GLT1D1: variants seen among roughly 807,000 people sequenced by gnomAD.
GLT1D1 encodes the protein glycosyltransferase 1 domain-containing protein 1.
In GLT1D1, 21 loss-of-function variants were observed where a neutral mutation model predicts 28.7. The observed-to-expected ratio is 0.73, with a 90% CI of 0.52 to 1.05. GLT1D1 has a LOEUF of 1.05. Among genes scored for constraint, GLT1D1 ranks in the 50% least tolerant of loss-of-function variants. The pLI is 0.00. For synonymous variants in GLT1D1, 147 were observed against 124.8 expected, an observed-to-expected ratio of 1.18 and a Z score of -1.19; for missense variants, 343 against 330.6, an observed-to-expected ratio of 1.04 and a Z score of -0.29.
chr12:128,923,423 G>C (rs1872846027), intron 4 of GLT1D1, among the ~76,000 whole-genome samples: 1 of 152,136 alleles, frequency 6.6e-6, no homozygotes, highest in South Asian at 2.1e-4. Flanking sequence ...GTTCTGTGGT[G>C]GGGGGTTTGG....
chr12:128,944,760 C>G, intron 4 of GLT1D1: 2 of 507,974 alleles, frequency 3.9e-6, no homozygotes, highest in South Asian at 4.5e-5. Context: ...ATGAGTTTCC[C>G]TTGGTCAATG....
At chr12:128,962,052 C>T (rs1029132862) in intron 7 of GLT1D1, among the ~76,000 whole-genome samples, 144 of 147,560 alleles carry the variant, frequency 9.8e-4, no homozygotes, top group South Asian at 8.8e-4. Context: ...CACTTGTGTC[C>T]TATGGCGGCC....
intron 4 of GLT1D1, among the ~76,000 whole-genome samples, chr12:128,929,319 C>G (rs1364614519): frequency 6.6e-6 from 1 of 152,340 alleles, no homozygotes; most frequent in East Asian, 1.9e-4. Flanking sequence ...TGTGGCTGCA[C>G]TGGTCATCTC....
At chr12:128,952,903 C>T (rs971353703) in intron 6 of GLT1D1, among the ~76,000 whole-genome samples, 7 of 150,814 alleles carry the variant, frequency 4.6e-5, no homozygotes, top group African/African-American at 1.2e-4. Flanking sequence ...CTTAGCCTCC[C>T]GAGTAGCTGG....
intron 6 of GLT1D1, among the ~76,000 whole-genome samples, chr12:128,953,282 TTG>T (rs1265455552): frequency 6.6e-6 from 1 of 152,216 alleles, no homozygotes; most frequent in African/African-American, 2.4e-5. Flanking sequence ...ATTCTGTAGA[TTG>T]TCTTTTCACT....
At position 128,899,350 on chromosome 12, in the gene GLT1D1, G is replaced by A. The variant is rs575407792; in HGVS notation, c.375+63G>A. On this transcript the variant is annotated intron_variant, in intron 4 of 7. Coordinates refer to ENST00000281703, the MANE Select transcript of GLT1D1 (RefSeq NM_144669.3). Reference sequence around the variant, plus strand: ...GATGAAATTGCAGAATTCGAGAACCGAAAGGCAGCCTTACTGAGCTGACAG... The same window carrying A: ...GATGAAATTGCAGAATTCGAGAACCAAAAGGCAGCCTTACTGAGCTGACAG... 2.6e-4 allele frequency: 359 copies of A among 1,374,552 alleles called. 3 individuals carry two copies. In the Middle Eastern group the frequency reaches 2.8e-3, roughly 11 times the overall value. 85.1% of individuals were successfully genotyped at this position (1,374,552 alleles called of 1,614,324 possible).
intron 7 of GLT1D1, among the ~76,000 whole-genome samples, chr12:128,965,729 A>AG (rs1393811982): frequency 1.1e-4 from 16 of 143,632 alleles, no homozygotes; most frequent in Non-Finnish European, 1.5e-4. Context: ...AAAAAAAAAA[A>AG]AAAAAAGAAA....
chr12:128,864,173 A>G, intron 1 of GLT1D1: 1 of 685,164 alleles, frequency 1.5e-6, no homozygotes, highest in Non-Finnish European at 2.7e-6. Context: ...CTGTCAGACG[A>G]CACACTGTAA....
At chr12:128,912,085 G>T (rs1871598170) in intron 4 of GLT1D1, among the ~76,000 whole-genome samples, 2 of 152,148 alleles carry the variant, frequency 1.3e-5, no homozygotes, top group South Asian at 4.1e-4. Flanking sequence ...CATCAGCTGG[G>T]CCGGCACTGG....
chr12:128,888,875 A>T, intron 3 of GLT1D1, 131 bp downstream of exon 3: 1 of 603,746 alleles, frequency 1.7e-6, no homozygotes, highest in South Asian at 2.1e-5. Context: ...ATTTCATGTA[A>T]CCTTTTCTTT....
intron 4 of GLT1D1, among the ~76,000 whole-genome samples, chr12:128,902,900 C>T (rs1050301317): frequency 1.4e-4 from 21 of 150,992 alleles, no homozygotes; most frequent in Non-Finnish European, 2.4e-4. Context: ...AAAAATTAGC[C>T]GGGCATGGTG....
intron 1 of GLT1D1, among the ~76,000 whole-genome samples, chr12:128,865,117 T>C (rs937028024): frequency 7.9e-5 from 12 of 152,162 alleles, no homozygotes; most frequent in African/African-American, 2.9e-4. Context: ...CTGCTTCACA[T>C]CCAACACACG....
chr12:128,855,679 T>C (rs1219780619), intron 1 of GLT1D1, among the ~76,000 whole-genome samples: 1 of 150,712 alleles, frequency 6.6e-6, no homozygotes, highest in Non-Finnish European at 1.5e-5. Context: ...GCAAGTTTAT[T>C]AAGAAAGTAA....
intron 5 of GLT1D1, among the ~76,000 whole-genome samples, chr12:128,945,978 C>G (rs1028212319): frequency 2.0e-5 from 3 of 152,148 alleles, no homozygotes; most frequent in Non-Finnish European, 4.4e-5. Context: ...TTGGGTCAGC[C>G]CCCTGTAAAG....
chr12:128,890,450 T>A (rs914983492), intron 3 of GLT1D1, among the ~76,000 whole-genome samples: 8 of 152,302 alleles, frequency 5.3e-5, no homozygotes, highest in African/African-American at 1.9e-4. Context: ...ATCACTCCCA[T>A]TTCTTTGTCT....
chr12:128,980,507 C>T (rs187639548), intron 7 of GLT1D1, among the ~76,000 whole-genome samples: 4 of 152,338 alleles, frequency 2.6e-5, no homozygotes, highest in East Asian at 3.9e-4. Flanking sequence ...GAGCTGGATT[C>T]GCGGGGTGGT....
intron 4 of GLT1D1, among the ~76,000 whole-genome samples, chr12:128,931,925 A>G (rs201458055): frequency 1.7e-5 from 2 of 118,046 alleles, no homozygotes; most frequent in Admixed American, 1.7e-4. Context: ...ACGCACACAC[A>G]CACACACACA....
chr12:128,880,135 T>C (rs1311099399), intron 2 of GLT1D1, among the ~76,000 whole-genome samples: 1 of 152,230 alleles, frequency 6.6e-6, no homozygotes, highest in Non-Finnish European at 1.5e-5. Flanking sequence ...TACTAACAGA[T>C]GGGCAAGGAC....
At chr12:128,875,462 T>C (rs1593066446) in intron 1 of GLT1D1, among the ~76,000 whole-genome samples, 1 of 152,164 alleles carries the variant, frequency 6.6e-6, no homozygotes, top group Admixed American at 6.6e-5. Context: ...TTACAAAGGG[T>C]GATTCAGTAA....
Sources: allele counts gnomAD v4.1 joint callset (sites outside exome capture counted in the v4.1 genomes callset), GRCh38; gene constraint gnomAD v4.1.1; transcripts MANE v1.5; gene names NCBI Gene and HGNC (gene_info 2026-07-23, HGNC 2026-07-21).